Variants in DHX58 observed in about 807,000 individuals in gnomAD.
The protein encoded by DHX58 is DExH-box helicase 58.
A neutral mutation model predicts 65.0 loss-of-function variants in DHX58; 51 were observed. That is an observed-to-expected ratio of 0.78 (90% CI 0.63 to 0.99). The LOEUF is 0.99. DHX58 is among the 50% of genes least tolerant of loss of function. The pLI, the probability that DHX58 is intolerant of heterozygous loss-of-function variation, is 0.00. For synonymous variants in DHX58, 350 were observed against 365.0 expected (o/e 0.96, Z 0.47); for missense variants, 773 against 891.8 (o/e 0.87, Z 1.70).
intron 12 of DHX58, 108 bp from the exon 13 acceptor site, chr17:42,102,420 G>C (rs2053993566): frequency 5.3e-6 from 5 of 938,822 alleles, no homozygotes; most frequent in Non-Finnish European, 6.8e-6. Context: ...CTTCCTGCTG[G>C]TTAAGAGGCA....
Position 42,104,758 on chromosome 17 carries a change from C to A in DHX58, c.1563+8G>T. ...CCCTCCCACAGGGCATGCAGGCTGCCTGCAGACCTTGGCCTGGTACTCGGC... is the reference window on the plus strand; with the variant it reads ...CCCTCCCACAGGGCATGCAGGCTGCATGCAGACCTTGGCCTGGTACTCGGC... On this transcript the variant is annotated splice_region_variant and intron_variant, in intron 11 of 13. Coordinates refer to ENST00000251642, the MANE Select transcript of DHX58 (RefSeq NM_024119.3). The A allele has an allele frequency of 6.2e-7, 1 of 1,613,562 alleles. No individual in the cohort carries two copies. The highest frequency in any genetic ancestry group is 8.5e-7 in the Non-Finnish European group (1 of 1,179,898).
chr17:42,107,870 C>G (rs1441919546), intron 7 of DHX58, 75 bp from the exon 8 acceptor site: 10 of 1,550,602 alleles, frequency 6.4e-6, no homozygotes, highest in African/African-American at 1.4e-5. Context: ...CCGTCCCACT[C>G]GACTCCACCC....
rs1241434868 is a variant in DHX58, at chr17:42,105,928, C to G, written c.1059G>C (p.Met353Ile). ...ACTGCCTTTGCAGGATCTTTTCCAGCATCTCCAGTTTTGGATTCTCTGGGC... is the reference window on the plus strand; with the variant it reads ...ACTGCCTTTGCAGGATCTTTTCCAGGATCTCCAGTTTTGGATTCTCTGGGC... ...THGPENPKLE[M>I]LEKILQRQFS... The change falls in exon 9 of 14, where the codon ATG becomes ATC. Residue 353 changes from methionine (M) to isoleucine (I), a missense_variant. Met to Ile is a conservative substitution (Grantham distance 10). Transcript: ENST00000251642. The G allele has an allele frequency of 9.3e-6, 15 of 1,613,714 alleles. No individual in the cohort carries two copies. Among genetic ancestry groups the G allele is most frequent in the Non-Finnish European group, 1.3e-5 (15 of 1,180,014 alleles).
chr17:42,107,899 G>A lies in DHX58; in HGVS notation c.805+83C>T, dbSNP rs1598218365. The A allele has an allele frequency of 1.3e-5, 20 of 1,544,962 alleles. No individual in the cohort carries two copies. In the East Asian group the frequency reaches 4.4e-4, roughly 34 times the overall value. On this transcript the variant is annotated intron_variant, in intron 7 of 13. Coordinates refer to ENST00000251642, the MANE Select transcript of DHX58 (RefSeq NM_024119.3). ...TCCACCCCTGGGGTGGATAGGCCCC[G>A]CCCCAAAGGCCTCCGCCCCGGCAGG...
At chr17:42,102,451 A>G (rs1555661736) in intron 12 of DHX58, 139 bp from the exon 13 acceptor site, 2 of 711,930 alleles carry the variant, frequency 2.8e-6, no homozygotes, top group East Asian at 2.6e-5. Context: ...AGGCCAGGAA[A>G]TCCAATCTTT....
At chr17:42,106,408 C>G (rs16967487) in intron 8 of DHX58, among the ~76,000 whole-genome samples, 45,874 of 131,656 alleles carry the variant, frequency 0.35, 12,175 homozygotes, top group African/African-American at 0.76. Context: ...GTTCTCACAG[C>G]AATAGGACTG....
At position 42,111,399 on chromosome 17, in the gene DHX58, GCCA is replaced by G; in HGVS notation, c.264_266del (p.Gly89del). 2.5e-6 allele frequency: 4 copies of G among 1,614,194 alleles called. No homozygotes were observed. Among genetic ancestry groups the G allele is most frequent in the Non-Finnish European group, 3.4e-6 (4 of 1,180,026 alleles). On this transcript the variant is annotated inframe_deletion, in exon 4 of 14. Coordinates refer to ENST00000251642, the MANE Select transcript of DHX58 (RefSeq NM_024119.3). ...CATGGCACCGGGCCAGGTGGCCAAA[GCCA>G]GCACGTGGTCCCATGTCCCCACTCA...
intron 6 of DHX58, among the ~76,000 whole-genome samples, chr17:42,108,483 A>T (rs1831936031): frequency 6.6e-6 from 1 of 152,252 alleles, no homozygotes; most frequent in South Asian, 2.1e-4. Flanking sequence ...AGTAGAAGGT[A>T]AAACTGCCCT....
chr17:42,105,812 C>T lies in DHX58; in HGVS notation c.1175G>A (p.Gly392Asp). 3.7e-6 allele frequency: 6 copies of T among 1,613,590 alleles called. No individual in the cohort carries two copies. Among genetic ancestry groups the T allele is most frequent in the Non-Finnish European group, 5.1e-6 (6 of 1,179,758 alleles). ...SLLLWLQQQQGLQTVDIRAQL... is the reference protein window; with the variant it reads ...SLLLWLQQQQDLQTVDIRAQL... The stretch of plus-strand genomic sequence containing the variant: ...GGCCCGGATGTCCACAGTCTGCAGG[C>T]CCTGCTGCTGCTGGAGCCAGAGCAG... The change falls in exon 9 of 14, where the codon GGC becomes GAC. Residue 392 changes from glycine (G) to aspartate (D), a missense_variant. Transcript: ENST00000251642.
chr17:42,101,823 C>T lies in DHX58; in HGVS notation c.1975G>A (p.Val659Met). The change falls in exon 14 of 14, where the codon GTG becomes ATG. Residue 659 changes from valine to methionine, a missense_variant. Physicochemically the swap from Val to Met is conservative, Grantham distance 21. Transcript: ENST00000251642. Reference protein sequence around the residue: ...AKKWSRVPFSVPDFDFLQHCA... With the variant: ...AKKWSRVPFSMPDFDFLQHCA... ...TGCTGCAGGAAGTCAAAGTCAGGCA[C>T]GGAGAAGGGCACGCGGGACCACTTT... 6 of 1,614,242 alleles carry T rather than the reference C, an allele frequency of 3.7e-6. No homozygotes were observed. Among genetic ancestry groups the T allele is most frequent in the East Asian group, 2.2e-5 (1 of 44,892 alleles).
rs188650103 is a variant in DHX58 at position 42,104,827 on chromosome 17, G to A, written c.1502C>T (p.Thr501Met). 201 of 1,614,126 alleles carry A rather than the reference G, an allele frequency of 1.2e-4. No individual in the cohort carries two copies. The highest frequency in any genetic ancestry group is 2.9e-4 in the African/African-American group (22 of 75,042). Residue 501 changes from threonine to methionine, a missense_variant, in exon 11 of 14, where the codon ACG becomes ATG. By Grantham distance (81) the Thr-to-Met change is moderately conservative (BLOSUM62 -1). Coordinates refer to ENST00000251642, the MANE Select transcript of DHX58 (RefSeq NM_024119.3). Reference sequence around the variant, plus strand: ...AGCAGCCACTGCCTGCTCCATCAGCGTCTCCAGCGCCTCGTTGATCAGCTC... The same window carrying A: ...AGCAGCCACTGCCTGCTCCATCAGCATCTCCAGCGCCTCGTTGATCAGCTC... ...KRELINEALE[T>M]LMEQAVAAVQ...
chr17:42,105,265 T>C, intron 9 of DHX58, 98 bp from the exon 10 acceptor site: 1 of 1,423,862 alleles, frequency 7.0e-7, no homozygotes, highest in Non-Finnish European at 9.3e-7. Context: ...CAGCCCTCAC[T>C]CCCAATCTTG....
chr17:42,101,965 G>A lies in DHX58; in HGVS notation c.1852-19C>T, dbSNP rs1170567362. ...CCCAGACCTGGAGGTGAGACAGAGA[G>A]GGTAGGGTCTGGGTCTCTGGCCTCA... is the stretch of plus-strand genomic sequence containing the variant. On this transcript the variant is annotated intron_variant, in intron 13 of 13. Coordinates refer to ENST00000251642, the MANE Select transcript of DHX58 (RefSeq NM_024119.3). 4.4e-6 allele frequency: 7 copies of A among 1,596,544 alleles called. No homozygotes were observed. The Admixed American group carries it at 8.8e-5, about 20-fold the overall frequency.
At position 42,108,070 on chromosome 17, in the gene DHX58, T is replaced by G. The variant is rs1555663204; in HGVS notation, c.717A>C (p.Gln239His). ...FGDLLKKLMD[Q>H]IHDHLEMPEL... The stretch of plus-strand genomic sequence containing the variant: ...CAGGCATCTCCAGGTGGTCATGGAT[T>G]TGGTCCATGAGCTTCTTCAGCAAGT... The change falls in exon 7 of 14, where the codon CAA becomes CAC. Residue 239 changes from glutamine (Q) to histidine (H), a missense_variant. Physicochemically the swap from Gln to His is conservative, Grantham distance 24. Transcript: ENST00000251642. 2 of 1,614,238 alleles carry G rather than the reference T, an allele frequency of 1.2e-6. No homozygotes were observed. Among genetic ancestry groups the G allele is most frequent in the South Asian group, 2.2e-5 (2 of 91,088 alleles).
In DHX58 at chr17:42,108,006, G is replaced by T. The variant is rs1568004681; in HGVS notation, c.781C>A (p.Gln261Lys). The T allele has an allele frequency of 1.2e-6, 2 of 1,614,212 alleles. No individual in the cohort carries two copies. Among genetic ancestry groups the T allele is most frequent in the Non-Finnish European group, 1.7e-6 (2 of 1,180,046 alleles). Reference sequence around the variant, plus strand: ...CCAGCCTCACTCAGCTTCACCACCTGCTGCTCATACATTTGCGTCCCAAAT... The same window carrying T: ...CCAGCCTCACTCAGCTTCACCACCTTCTGCTCATACATTTGCGTCCCAAAT... ...RKFGTQMYEQQVVKLSEAAAL... is the reference protein window; with the variant it reads ...RKFGTQMYEQKVVKLSEAAAL... The change falls in exon 7 of 14, where the codon CAG (glutamine) becomes AAG (lysine). Residue 261 changes from glutamine to lysine, a missense_variant. Transcript: ENST00000251642.
rs782727832 is a variant in DHX58, at chr17:42,111,809, G to A, written c.84C>T (p.Ala28=). 9 of 1,613,946 alleles carry A rather than the reference G, an allele frequency of 5.6e-6. No homozygotes were observed. Among genetic ancestry groups the A allele is most frequent in the African/African-American group, 5.3e-5 (4 of 74,918 alleles). ...CATAAGCAGCCGCCCGGGTCTTCCC[G>A]GCACCCGTGGGCAGCCAGATGATGA... ...KNIIIWLPTG[A]GKTRAAAYVA... The change falls in exon 3 of 14, where the codon GCC becomes GCT. Residue 28 remains alanine (A), a synonymous_variant. Coordinates refer to ENST00000251642, the MANE Select transcript of DHX58 (RefSeq NM_024119.3).
At chr17:42,110,598 G>T in intron 5 of DHX58, 125 bp downstream of exon 5, 1 of 1,070,668 alleles carries the variant, frequency 9.3e-7, no homozygotes, top group Non-Finnish European at 1.3e-6. Flanking sequence ...GGTGAGGAAG[G>T]GGCCAGACCC....
chr17:42,104,091 C>T (rs932274563), intron 11 of DHX58, among the ~76,000 whole-genome samples: 3 of 151,968 alleles, frequency 2.0e-5, no homozygotes, highest in Non-Finnish European at 4.4e-5. Context: ...GGCATGGTGG[C>T]GCATGCCTGT....
intron 2 of DHX58, 81 bp from the exon 3 acceptor site, chr17:42,111,974 C>T: frequency 3.3e-6 from 5 of 1,503,492 alleles, no homozygotes; most frequent in Non-Finnish European, 4.5e-6. Flanking sequence ...ACAGAGACCT[C>T]CCTTTGCCCA....
Sources: gnomAD v4.1 joint callset for allele counts (sites outside exome capture counted in the v4.1 genomes callset) on GRCh38, gnomAD v4.1.1 for gene constraint, MANE v1.5 for transcripts, NCBI Gene and HGNC (gene_info 2026-07-23, HGNC 2026-07-21) for gene names.